Variants in TMC1 observed in about 807,000 individuals in gnomAD.
The protein encoded by TMC1 is transmembrane channel like 1, also known as transmembrane channel-like protein 1.
Under a neutral mutation model 105.8 loss-of-function variants are expected in TMC1, and 84 were observed. The observed-to-expected ratio is 0.79, with a 90% confidence interval of 0.67 to 0.95. The LOEUF (loss-of-function observed/expected upper bound fraction) is 0.95, where lower values mean the gene tolerates loss of function less well. TMC1 is among the 40% of genes least tolerant of loss of function. TMC1 has a pLI of 0.00. For synonymous variants in TMC1, 315 were observed against 311.5 expected (o/e 1.01, Z -0.12); for missense variants, 817 against 914.1 (o/e 0.89, Z 1.37).
At chr9:72,625,685 C>G (rs1264434198) in intron 3 of TMC1, among the ~76,000 whole-genome samples, 1 of 125,094 alleles carries the variant, frequency 8.0e-6, no homozygotes, top group Non-Finnish European at 1.6e-5. Context: ...GAGACTCTGT[C>G]TCAAAAAAAA....
At chr9:72,663,325 A>C (rs777412557) in intron 5 of TMC1, among the ~76,000 whole-genome samples, 1 of 152,166 alleles carries the variant, frequency 6.6e-6, no homozygotes, top group Non-Finnish European at 1.5e-5. Context: ...AAAACCTGAA[A>C]AGACATCTCA....
At chr9:72,658,441 C>T (rs147176608) in intron 5 of TMC1, among the ~76,000 whole-genome samples, 1 of 152,176 alleles carries the variant, frequency 6.6e-6, no homozygotes, top group South Asian at 2.1e-4. Context: ...GCAGTGCAGG[C>T]CCTGACATAC....
chr9:72,826,799 T>A, intron 20 of TMC1, 70 bp from the exon 21 acceptor site: 1 of 1,531,338 alleles, frequency 6.5e-7, no homozygotes, highest in East Asian at 2.3e-5. Context: ...GATTTCCAGT[T>A]TTCTTGCTTT....
intron 1 of TMC1, among the ~76,000 whole-genome samples, chr9:72,555,063 G>C (rs1444825496): frequency 1.3e-5 from 2 of 151,924 alleles, no homozygotes; most frequent in African/African-American, 4.8e-5. Flanking sequence ...ATTTTCAGTA[G>C]AGAAGGGGTT....
At chr9:72,745,770 A>G (rs536865423) in intron 10 of TMC1, among the ~76,000 whole-genome samples, 1 of 152,284 alleles carries the variant, frequency 6.6e-6, no homozygotes, top group Non-Finnish European at 1.5e-5. Context: ...AGGACATGCA[A>G]TGGATTTTCT....
At chr9:72,595,872 CTT>C (rs59299971) in intron 2 of TMC1, among the ~76,000 whole-genome samples, 6 of 120,974 alleles carry the variant, frequency 5.0e-5, no homozygotes, top group East Asian at 2.4e-4. Flanking sequence ...GATGGGGTTT[CTT>C]TTTTTTTTTT....
intron 1 of TMC1, among the ~76,000 whole-genome samples, chr9:72,542,883 C>A (rs953253080): frequency 1.3e-5 from 2 of 152,082 alleles, no homozygotes; most frequent in Admixed American, 6.5e-5. Context: ...GTTTCACTAT[C>A]TTGGCCAGGC....
At chr9:72,810,136 T>TAAAAAAAAAAAAAAAAAA (rs36058524) in intron 18 of TMC1, among the ~76,000 whole-genome samples, 1 of 108,006 alleles carries the variant, frequency 9.3e-6, no homozygotes, top group African/African-American at 3.3e-5. Flanking sequence ...AGGCATAGAT[T>TAAAAAAAAAAAAAAAAAA]AAAAAAAAAA....
chr9:72,697,990 A>G (rs1422511680), intron 7 of TMC1, among the ~76,000 whole-genome samples: 1 of 152,122 alleles, frequency 6.6e-6, no homozygotes, highest in South Asian at 2.1e-4. Flanking sequence ...TAATTAAAAC[A>G]CATCTTTACC....
In TMC1 at chr9:72,834,627, A is replaced by G. The variant is rs112012871; in HGVS notation, c.2261-1324A>G. 6.8e-4 allele frequency among the ~76,000 whole-genome samples: 103 copies of G among 152,316 alleles called. 1 individual carries two copies. The highest frequency in any genetic ancestry group is 2.4e-3 in the African/African-American group (99 of 41,562). ...GGGAAAAACAACACGGGTGGGGCTC[A>G]GCTTTCAACCTACAAATGCTCACTT... On this transcript the variant is annotated intron_variant, in intron 23 of 23. Coordinates refer to ENST00000297784, the MANE Select transcript of TMC1 (RefSeq NM_138691.3).
chr9:72,804,075 C>G (rs929085300), intron 17 of TMC1, among the ~76,000 whole-genome samples: 1 of 152,098 alleles, frequency 6.6e-6, no homozygotes, highest in African/African-American at 2.4e-5. Flanking sequence ...AGATCATGTC[C>G]TTTGCAGAGA....
intron 11 of TMC1, among the ~76,000 whole-genome samples, chr9:72,754,023 G>A (rs1317641780): frequency 6.6e-6 from 1 of 152,274 alleles, no homozygotes; most frequent in East Asian, 1.9e-4. Flanking sequence ...CTGCACCCAG[G>A]CTTCAAGCCA....
At chr9:72,588,257 C>G (rs1292082427) in intron 2 of TMC1, among the ~76,000 whole-genome samples, 7 of 152,122 alleles carry the variant, frequency 4.6e-5, no homozygotes, top group African/African-American at 1.4e-4. Flanking sequence ...ACAAACTGCC[C>G]CAAACTTCAG....
chr9:72,781,625 G>A (rs564503587), intron 13 of TMC1, among the ~76,000 whole-genome samples: 1 of 151,988 alleles, frequency 6.6e-6, no homozygotes, highest in African/African-American at 2.4e-5. Flanking sequence ...AATGACAAAA[G>A]GGACATTACC....
intron 1 of TMC1, among the ~76,000 whole-genome samples, chr9:72,573,818 G>A (rs533376614): frequency 9.9e-5 from 15 of 152,212 alleles, no homozygotes; most frequent in Admixed American, 9.2e-4. Context: ...AGGTTAGGGG[G>A]TACATGTGAA....
At chr9:72,588,656 G>A (rs1452470691) in intron 2 of TMC1, among the ~76,000 whole-genome samples, 1 of 152,088 alleles carries the variant, frequency 6.6e-6, no homozygotes, top group East Asian at 1.9e-4. Flanking sequence ...TCAAGGAGTT[G>A]TAGAGGCCAA....
intron 2 of TMC1, among the ~76,000 whole-genome samples, chr9:72,607,082 G>C (rs996561970): frequency 2.0e-5 from 3 of 151,498 alleles, no homozygotes; most frequent in African/African-American, 7.3e-5. Context: ...AATATTATTT[G>C]TTTCCTCTTT....
intron 13 of TMC1, among the ~76,000 whole-genome samples, chr9:72,785,127 A>G (rs1051578886): frequency 1.3e-5 from 2 of 152,216 alleles, no homozygotes; most frequent in Non-Finnish European, 2.9e-5. Context: ...TAATTAAAAA[A>G]ATTATCTGGG....
At chr9:72,823,943 A>G (rs1470919268) in intron 20 of TMC1, among the ~76,000 whole-genome samples, 1 of 152,222 alleles carries the variant, frequency 6.6e-6, no homozygotes, top group African/African-American at 2.4e-5. Context: ...TTAGCATTTT[A>G]TATTCTGTTT....
Sources: allele counts gnomAD v4.1 joint callset (sites outside exome capture counted in the v4.1 genomes callset), GRCh38; gene constraint gnomAD v4.1.1; transcripts MANE v1.5; gene names NCBI Gene and HGNC (gene_info 2026-07-23, HGNC 2026-07-21).